The following SPINK9 variants were observed in gnomAD, a reference collection of about 807,000 sequenced individuals.
The protein encoded by SPINK9 is serine protease inhibitor Kazal-type 9.
SPINK9 carries 3 observed loss-of-function variants against 10.8 expected under a neutral mutation model. That is an observed-to-expected ratio of 0.28 (90% CI 0.13 to 0.72). The LOEUF is 0.72. SPINK9 is among the 30% of genes least tolerant of loss of function. SPINK9 has a pLI of 0.74. For missense variants in SPINK9, 101 were observed against 103.2 expected, an observed-to-expected ratio of 0.98 and a Z score of 0.09; for synonymous variants, 30 against 31.2, an observed-to-expected ratio of 0.96 and a Z score of 0.12.
At chr5:148,324,153 A>G (rs1263923972) in intron 2 of SPINK9, among the ~76,000 whole-genome samples, 3 of 152,160 alleles carry the variant, frequency 2.0e-5, no homozygotes, top group Non-Finnish European at 4.4e-5. Context: ...GTAATTTTTC[A>G]AGTTTTTTTC....
rs146931240 is a variant in SPINK9, at chr5:148,337,791, T to C, written c.88-687T>C. 7.9e-3 allele frequency among the ~76,000 whole-genome samples: 1,203 copies of C among 152,254 alleles called. 19 individuals are homozygous for C. Among genetic ancestry groups the C allele is most frequent in the African/African-American group, 0.027 (1,127 of 41,556 alleles). ...GTAAAAAAATTTTTACAGGGTCACA[T>C]AGAATTTGCATTCAGATGTGTTTGA... On this transcript the variant is annotated intron_variant, in intron 2 of 3. Transcript: ENST00000377906.
chr5:148,329,461 C>T (rs748235954), intron 2 of SPINK9, among the ~76,000 whole-genome samples: 71 of 151,726 alleles, frequency 4.7e-4, no homozygotes, highest in Non-Finnish European at 6.0e-4. Context: ...AACCAGCTCC[C>T]GGATTCACTG....
At chr5:148,338,675 G>A (rs1757250007) in intron 3 of SPINK9, 70 bp downstream of exon 3, 1 of 1,175,888 alleles carries the variant, frequency 8.5e-7, no homozygotes, top group Non-Finnish European at 1.2e-6. Context: ...TAGAAGGTGT[G>A]ATGTAGGGCC....
At position 148,335,656 on chromosome 5, in the gene SPINK9, G is replaced by A. The variant is rs201626630; in HGVS notation, c.43G>A (p.Ala15Thr). Residue 15 changes from alanine (A) to threonine (T), a missense_variant, in exon 1 of 4, where the codon GCA becomes ACA. Coordinates refer to ENST00000377906, the MANE Select transcript of SPINK9 (RefSeq NM_001040433.2). ...AGTCCTACTCTTGGCTCTGACACTTGCAACCATGTTCAGTGAGTATCTCTG... is the reference window on the plus strand; with the variant it reads ...AGTCCTACTCTTGGCTCTGACACTTACAACCATGTTCAGTGAGTATCTCTG... The part of the protein sequence containing the change: ...AIVLLLALTL[A>T]TMFSIECAKQ... 1.2e-6 allele frequency: 2 copies of A among 1,613,550 alleles called. No homozygotes were observed. The highest frequency in any genetic ancestry group is 1.7e-6 in the Non-Finnish European group (2 of 1,179,802).
At chr5:148,335,805 AC>A in intron 1 of SPINK9, 137 bp downstream of exon 1, 1 of 977,316 alleles carries the variant, frequency 1.0e-6, no homozygotes, top group Non-Finnish European at 1.5e-6. Context: ...TTTTGCCTCA[AC>A]CAACGAATTG....
chr5:148,335,901 T>A (rs1206712662), intron 1 of SPINK9, among the ~76,000 whole-genome samples: 2 of 152,198 alleles, frequency 1.3e-5, no homozygotes, highest in African/African-American at 4.8e-5. Flanking sequence ...TTTGTATAAT[T>A]TTTTAGGGAG....
At chr5:148,328,710 G>A (rs1022355285) in intron 2 of SPINK9, among the ~76,000 whole-genome samples, 5 of 152,198 alleles carry the variant, frequency 3.3e-5, no homozygotes, top group Admixed American at 3.3e-4. Flanking sequence ...TTTTTAGCAT[G>A]AAGTGTTGTT....
chr5:148,337,559 C>A (rs1304364524), intron 2 of SPINK9, among the ~76,000 whole-genome samples: 1 of 152,216 alleles, frequency 6.6e-6, no homozygotes, highest in East Asian at 1.9e-4. Context: ...GCTGGAGATG[C>A]AGTCTTTTGT....
chr5:148,327,689 G>C (rs1757084026), intron 2 of SPINK9, among the ~76,000 whole-genome samples: 2 of 151,248 alleles, frequency 1.3e-5, no homozygotes, highest in Non-Finnish European at 3.0e-5. Flanking sequence ...TGTATAAGGT[G>C]TAAGGAAGGG....
chr5:148,338,687 A>G, intron 3 of SPINK9, 82 bp downstream of exon 3: 1 of 1,076,450 alleles, frequency 9.3e-7, no homozygotes, highest in East Asian at 2.7e-5. Context: ...TGTAGGGCCT[A>G]AGGAATATGT....
intron 2 of SPINK9, among the ~76,000 whole-genome samples, chr5:148,337,039 G>T (rs145091871): frequency 1.3e-5 from 2 of 152,154 alleles, no homozygotes; most frequent in Admixed American, 6.6e-5. Flanking sequence ...TGTCTTTGAG[G>T]CTTCTGTTTT....
exon 2 of SPINK9, chr5:148,323,751 A>T (rs1561764768): frequency 1.4e-6 from 1 of 697,370 alleles, no homozygotes; most frequent in Admixed American, 2.0e-5. Flanking sequence ...TTGCATCTTT[A>T]TGGTCTTTAT....
At position 148,337,298 on chromosome 5, in the gene SPINK9, T is replaced by A. The variant is rs187855073; in HGVS notation, c.87+845T>A. Reference sequence around the variant, plus strand: ...TATCATCAGGCACTGCTGTTTCTATTCTGCTGCACTAGCCTCTAAGGTCCT... The same window carrying A: ...TATCATCAGGCACTGCTGTTTCTATACTGCTGCACTAGCCTCTAAGGTCCT... On this transcript the variant is annotated intron_variant, in intron 2 of 3. Coordinates refer to ENST00000377906, the MANE Select transcript of SPINK9 (RefSeq NM_001040433.2). Among the ~76,000 whole-genome samples, 275 of 152,302 alleles carry A rather than the reference T, an allele frequency of 1.8e-3. 2 individuals are homozygous for A. The highest frequency in any genetic ancestry group is 6.4e-3 in the African/African-American group (264 of 41,572).
chr5:148,333,225 A>G (rs17719769), upstream of SPINK9, among the ~76,000 whole-genome samples: 850 of 152,248 alleles, frequency 5.6e-3, 34 homozygotes, highest in East Asian at 0.1. Flanking sequence ...CACTTCTTTT[A>G]TCGGTTTAAT....
chr5:148,335,863 A>G (rs1757211059), intron 1 of SPINK9, among the ~76,000 whole-genome samples, 195 bp downstream of exon 1: 2 of 152,212 alleles, frequency 1.3e-5, no homozygotes, highest in Non-Finnish European at 2.9e-5. Flanking sequence ...ACAGTCATCT[A>G]AAGTCAAATG....
chr5:148,328,141 A>G (rs973614761), intron 2 of SPINK9, among the ~76,000 whole-genome samples: 16 of 152,194 alleles, frequency 1.1e-4, no homozygotes, highest in African/African-American at 3.6e-4. Context: ...TCCATGAGCA[A>G]GGAATGTTCT....
chr5:148,338,625 C>T lies in SPINK9; in HGVS notation c.215+20C>T, dbSNP rs1213324155. The T allele has an allele frequency of 1.3e-6, 2 of 1,523,268 alleles. No homozygotes were observed. Among genetic ancestry groups the T allele is most frequent in the Non-Finnish European group, 1.8e-6 (2 of 1,113,854 alleles). The allele number at this position is 1,523,268 out of a possible 1,614,324, so 94.4% of individuals were successfully genotyped here. A position where few individuals can be genotyped will look rare whatever the true frequency, so the allele number is the denominator to read the frequency against. ...AGTTAAGTAAGTATTAAAATGTTTT[C>T]TTTTTCATATTTAAGGTAAAAGTAT... On this transcript the variant is annotated intron_variant, in intron 3 of 3. Coordinates refer to ENST00000377906, the MANE Select transcript of SPINK9 (RefSeq NM_001040433.2).
intron 2 of SPINK9, among the ~76,000 whole-genome samples, chr5:148,325,119 T>C: frequency 6.6e-6 from 1 of 152,136 alleles, no homozygotes; most frequent in East Asian, 1.9e-4. Flanking sequence ...ATTTCATTCC[T>C]TTATACAGCT....
chr5:148,337,460 A>G (rs892932776), intron 2 of SPINK9, among the ~76,000 whole-genome samples: 2 of 152,182 alleles, frequency 1.3e-5, no homozygotes, highest in African/African-American at 4.8e-5. Context: ...GAAGAATTCA[A>G]CTTTAAGTTT....
Sources: gnomAD v4.1 joint callset for allele counts (sites outside exome capture counted in the v4.1 genomes callset) on GRCh38, gnomAD v4.1.1 for gene constraint, MANE v1.5 for transcripts, NCBI Gene and HGNC (gene_info 2026-07-23, HGNC 2026-07-21) for gene names.